Variants in HPSE2 observed in about 807,000 individuals in gnomAD.
The protein encoded by HPSE2 is inactive heparanase-2.
Under a neutral mutation model 60.5 loss-of-function variants are expected in HPSE2, and 38 were observed. That is an observed-to-expected ratio of 0.63 (90% confidence interval 0.48 to 0.82). HPSE2 has a LOEUF of 0.82. HPSE2 is among the 40% of genes least tolerant of loss of function. HPSE2 has a pLI of 0.00. For missense variants in HPSE2, 713 were observed against 740.4 expected (o/e 0.96, Z 0.43); for synonymous variants, 295 against 293.2 (o/e 1.01, Z -0.06).
chr10:98,650,167 C>A (rs989372486), intron 6 of HPSE2, among the ~76,000 whole-genome samples: 1 of 152,106 alleles, frequency 6.6e-6, no homozygotes, highest in African/African-American at 2.4e-5. Flanking sequence ...ATTAAGAAGC[C>A]ATGTCTTCTT....
In HPSE2 at chr10:98,940,044, G is replaced by C. The variant is rs538985627; in HGVS notation, c.611-195988C>G. Among the ~76,000 whole-genome samples the C allele has an allele frequency of 2.1e-5, 3 of 143,400 alleles. 1 individual carries two copies. The highest frequency in any genetic ancestry group is 8.5e-5 in the African/African-American group (3 of 35,150). 94.1% of individuals were successfully genotyped at this position (143,400 alleles called of 152,430 possible). On this transcript the variant is annotated intron_variant, in intron 3 of 11. Transcript: ENST00000370552. ...GTCCTTTGAAACCAACGAGAACAAAGACACAACATACCAGAATCTCTGGGA... is the reference window on the plus strand; with the variant it reads ...GTCCTTTGAAACCAACGAGAACAAACACACAACATACCAGAATCTCTGGGA...
Position 99,235,533 on chromosome 10 carries a change from A to G in HPSE2, c.270T>C (p.Asp90=). 3.7e-6 allele frequency: 6 copies of G among 1,614,166 alleles called. No homozygotes were observed. The highest frequency in any genetic ancestry group is 5.1e-6 in the Non-Finnish European group (6 of 1,180,024). The part of the protein sequence containing the change: ...SLQLDPSIIH[D]GWLDFLSSKR... ...CTTACCTTAGGAAATCGAGCCAGCC[A>G]TCATGAATGATGGACGGATCCAGCT... Residue 90 remains aspartate, a synonymous_variant, in exon 1 of 12, where the codon GAT becomes GAC. Transcript: ENST00000370552.
the HPSE2 span, among the ~76,000 whole-genome samples, chr10:99,254,668 T>C: frequency 6.6e-6 from 1 of 152,234 alleles, no homozygotes; most frequent in African/African-American, 2.4e-5. Context: ...ATAGCATATC[T>C]AATATAAGTT....
chr10:99,130,937 C>T (rs1589703812), intron 3 of HPSE2, among the ~76,000 whole-genome samples: 1 of 152,002 alleles, frequency 6.6e-6, no homozygotes, highest in East Asian at 1.9e-4. Context: ...GTCTGGCTCT[C>T]TTAGCTAAGG....
intron 3 of HPSE2, among the ~76,000 whole-genome samples, chr10:99,087,319 C>T (rs1843355740): frequency 1.3e-5 from 2 of 152,160 alleles, no homozygotes; most frequent in South Asian, 2.1e-4. Flanking sequence ...AGTAGCTTGT[C>T]GCTCTCAGTA....
chr10:98,738,656 G>A (rs1949418052), intron 4 of HPSE2, among the ~76,000 whole-genome samples: 2 of 152,172 alleles, frequency 1.3e-5, no homozygotes, highest in Admixed American at 1.3e-4. Context: ...CAAGAAGTGG[G>A]TGAAGGATAT....
At chr10:98,953,671 G>A (rs373145086) in intron 3 of HPSE2, among the ~76,000 whole-genome samples, 17 of 152,222 alleles carry the variant, frequency 1.1e-4, no homozygotes, top group African/African-American at 3.4e-4. Flanking sequence ...TGTATGCTAC[G>A]TGGCAACTAG....
intron 3 of HPSE2, among the ~76,000 whole-genome samples, chr10:99,031,876 T>C (rs1425765619): frequency 1.3e-5 from 2 of 152,210 alleles, no homozygotes. Context: ...CAGCACTTTT[T>C]ACGTTTATAT....
At chr10:99,148,901 C>CTA (rs760570238) in intron 2 of HPSE2, among the ~76,000 whole-genome samples, 67 of 152,040 alleles carry the variant, frequency 4.4e-4, no homozygotes, top group Non-Finnish European at 1.0e-4. Flanking sequence ...GAATGGAAGA[C>CTA]TATACACTGT....
At chr10:99,161,159 G>A (rs942844736) in intron 2 of HPSE2, among the ~76,000 whole-genome samples, 4 of 150,948 alleles carry the variant, frequency 2.6e-5, no homozygotes, top group East Asian at 3.9e-4. Flanking sequence ...AGTTTGAGGC[G>A]ATAGTGAGCC....
At chr10:98,585,884 A>G (rs1323579334) in intron 9 of HPSE2, among the ~76,000 whole-genome samples, 1 of 149,972 alleles carries the variant, frequency 6.7e-6, no homozygotes, top group Non-Finnish European at 1.5e-5. Context: ...CCCGGGAGGC[A>G]GAGGTTTTGG....
chr10:98,724,116 C>A (rs1589711346), intron 4 of HPSE2, among the ~76,000 whole-genome samples: 1 of 151,992 alleles, frequency 6.6e-6, no homozygotes, highest in African/African-American at 2.4e-5. Flanking sequence ...CTATAAATTT[C>A]CCTCTACACA....
At chr10:99,145,544 A>G (rs929482552) in intron 2 of HPSE2, among the ~76,000 whole-genome samples, 11 of 152,156 alleles carry the variant, frequency 7.2e-5, no homozygotes, top group Non-Finnish European at 2.9e-5. Flanking sequence ...TTTACAAATT[A>G]AAATATAATT....
At chr10:98,991,122 C>T (rs1956513063) in intron 3 of HPSE2, among the ~76,000 whole-genome samples, 1 of 152,158 alleles carries the variant, frequency 6.6e-6, no homozygotes, top group Non-Finnish European at 1.5e-5. Context: ...CTACTTCATC[C>T]ATTCATCAAG....
intron 3 of HPSE2, among the ~76,000 whole-genome samples, chr10:98,806,577 G>A (rs368450483): frequency 9.9e-5 from 15 of 152,218 alleles, no homozygotes; most frequent in East Asian, 9.7e-4. Context: ...AAAATGTTAC[G>A]TATATTCAAT....
At chr10:98,733,091 T>A (rs1007300428) in intron 4 of HPSE2, among the ~76,000 whole-genome samples, 2 of 152,106 alleles carry the variant, frequency 1.3e-5, no homozygotes, top group Non-Finnish European at 2.9e-5. Context: ...TATAAGGATG[T>A]AGGCAGTTAT....
intron 3 of HPSE2, among the ~76,000 whole-genome samples, chr10:98,984,161 C>T (rs1279584040): frequency 6.6e-6 from 1 of 152,176 alleles, no homozygotes; most frequent in Non-Finnish European, 1.5e-5. Flanking sequence ...TCTCAGCACG[C>T]AGCTTGAGAT....
At chr10:98,477,420 C>T (rs1037454390) in intron 11 of HPSE2, among the ~76,000 whole-genome samples, 1 of 152,160 alleles carries the variant, frequency 6.6e-6, no homozygotes, top group African/African-American at 2.4e-5. Flanking sequence ...AGAGCCAGAT[C>T]ACCTCCCAGT....
At chr10:98,739,987 C>T (rs1428132872) in intron 4 of HPSE2, among the ~76,000 whole-genome samples, 2 of 151,984 alleles carry the variant, frequency 1.3e-5, no homozygotes. Flanking sequence ...TTCTCCAGTT[C>T]TTTCTTACTT....
Sources: allele counts gnomAD v4.1 joint callset (sites outside exome capture counted in the v4.1 genomes callset), GRCh38; gene constraint gnomAD v4.1.1; transcripts MANE v1.5; gene names NCBI Gene and HGNC (gene_info 2026-07-23, HGNC 2026-07-21).